The following ZHX2 variants were observed in gnomAD, a reference collection of about 807,000 sequenced individuals.
ZHX2 encodes the protein zinc fingers and homeoboxes 2, also known as zinc fingers and homeoboxes protein 2.
A neutral mutation model predicts 21.9 loss-of-function variants in ZHX2; 6 were observed. The observed-to-expected ratio is 0.27, with a 90% CI of 0.15 to 0.54. The LOEUF (loss-of-function observed/expected upper bound fraction) is 0.54. ZHX2 is among the 20% of genes least tolerant of loss of function. The probability of loss-of-function intolerance (pLI) is 0.95; values close to 1 mark genes in which losing one functional copy is unlikely to be tolerated. For synonymous variants in ZHX2, 434 were observed against 437.1 expected (o/e 0.99, Z 0.09); for missense variants, 908 against 1,090.7 (o/e 0.83, Z 2.36).
intron 3 of ZHX2, among the ~76,000 whole-genome samples, chr8:122,957,736 G>T (rs899007755): frequency 6.6e-6 from 1 of 152,140 alleles, no homozygotes; most frequent in Non-Finnish European, 1.5e-5. Context: ...CTCCCAAAGT[G>T]CTGGGATGAC....
intron 3 of ZHX2, among the ~76,000 whole-genome samples, chr8:122,960,546 TAATA>T (rs1167609537): frequency 2.6e-5 from 4 of 151,758 alleles, no homozygotes; most frequent in Non-Finnish European, 1.5e-5. Flanking sequence ...TCAAAAATAA[TAATA>T]AATAAGTAAA....
At chr8:122,864,639 C>A (rs986571384) in intron 2 of ZHX2, among the ~76,000 whole-genome samples, 2 of 152,096 alleles carry the variant, frequency 1.3e-5, no homozygotes, top group Non-Finnish European at 2.9e-5. Context: ...CTCACCCACC[C>A]CCCCACTCCC....
chr8:122,923,110 G>T (rs968054813), intron 2 of ZHX2, among the ~76,000 whole-genome samples: 2 of 152,212 alleles, frequency 1.3e-5, no homozygotes, highest in Non-Finnish European at 2.9e-5. Flanking sequence ...TCACATTCCT[G>T]GTTGATATCT....
intron 1 of ZHX2, among the ~76,000 whole-genome samples, chr8:122,801,366 A>G (rs977936712): frequency 2.0e-5 from 3 of 152,172 alleles, no homozygotes; most frequent in Non-Finnish European, 4.4e-5. Context: ...GGACTTGACA[A>G]CTGTCCTCAC....
chr8:122,916,081 G>A (rs11993065), intron 2 of ZHX2, among the ~76,000 whole-genome samples: 6,218 of 152,308 alleles, frequency 0.041, 428 homozygotes, highest in African/African-American at 0.14. Context: ...GGGTTTCAAC[G>A]GCCTGCCTTG....
At chr8:122,959,051 G>T (rs1314646761) in intron 3 of ZHX2, among the ~76,000 whole-genome samples, 2 of 152,172 alleles carry the variant, frequency 1.3e-5, no homozygotes, top group African/African-American at 4.8e-5. Context: ...CAACCTACAT[G>T]TGCAAGCCAC....
chr8:122,971,990 T>C (rs931448037), intron 3 of ZHX2, among the ~76,000 whole-genome samples: 1 of 152,258 alleles, frequency 6.6e-6, no homozygotes, highest in Non-Finnish European at 1.5e-5. Flanking sequence ...GAGTCTGTTC[T>C]GTGCCCATCT....
Position 122,953,609 on chromosome 8 carries a change from C to A in ZHX2, c.2099C>A (p.Ala700Glu). 6.2e-7 allele frequency: 1 copy of A among 1,614,174 alleles called. No individual in the cohort carries two copies. The highest frequency in any genetic ancestry group is 8.5e-7 in the Non-Finnish European group (1 of 1,180,050). ...GAGCAGTACCAGCACCAGCCCATGG[C>A]AGATGATCACGGCTACGATGCCGTA... ...WMEQYQHQPM[A>E]DDHGYDAVAR... Residue 700 changes from alanine (A) to glutamate (E), a missense_variant, in exon 3 of 4, where the codon GCA becomes GAA. Transcript: ENST00000314393. The surrounding 1 kb of genome is among the most constrained non-coding windows in gnomAD (Gnocchi z 4.6).
At chr8:122,814,703 T>A (rs775395044) in intron 1 of ZHX2, among the ~76,000 whole-genome samples, 5 of 152,146 alleles carry the variant, frequency 3.3e-5, no homozygotes, top group Non-Finnish European at 7.4e-5. Context: ...GGTATTGGGG[T>A]GTCTGGCACC....
chr8:122,847,899 G>A (rs1336181906), intron 1 of ZHX2, among the ~76,000 whole-genome samples: 1 of 152,200 alleles, frequency 6.6e-6, no homozygotes, highest in African/African-American at 2.4e-5. Context: ...AGGCAGCACA[G>A]GAGGCCCTTA....
intron 3 of ZHX2, among the ~76,000 whole-genome samples, chr8:122,962,522 T>G (rs1813482138): frequency 6.6e-6 from 1 of 152,226 alleles, no homozygotes; most frequent in Non-Finnish European, 1.5e-5. Flanking sequence ...ATCCACTTGT[T>G]GGTTGATGGG....
At chr8:122,920,685 T>C (rs1443986131) in intron 2 of ZHX2, among the ~76,000 whole-genome samples, 2 of 152,206 alleles carry the variant, frequency 1.3e-5, no homozygotes, top group African/African-American at 4.8e-5. Flanking sequence ...GCATTGTTTT[T>C]TAATGACTAC....
intron 3 of ZHX2, among the ~76,000 whole-genome samples, chr8:122,957,310 A>AC (rs1338027493): frequency 2.0e-5 from 3 of 150,994 alleles, no homozygotes; most frequent in Non-Finnish European, 4.4e-5. Context: ...AAAAAAAAAA[A>AC]AAAACATGCA....
chr8:122,931,940 G>A lies in ZHX2; in HGVS notation c.-219-19352G>A, dbSNP rs544681610. Among the ~76,000 whole-genome samples the A allele has an allele frequency of 2.6e-5, 4 of 152,244 alleles. No homozygotes were observed. In the South Asian group the frequency reaches 6.2e-4, roughly 24 times the overall value. On this transcript the variant is annotated intron_variant, in intron 2 of 3. Transcript: ENST00000314393. ...GGAAAATGAGAGCGCTAGATGAACC[G>A]TAGACCTGATTTGGAGGTGGCACAG...
intron 2 of ZHX2, among the ~76,000 whole-genome samples, chr8:122,931,473 C>A (rs754471828): frequency 1.2e-4 from 18 of 152,242 alleles, no homozygotes; most frequent in Admixed American, 2.6e-4. Context: ...CTCAATACAG[C>A]CCTAGGAAAT....
chr8:122,845,180 G>A (rs1195457548), intron 1 of ZHX2, among the ~76,000 whole-genome samples: 1 of 152,116 alleles, frequency 6.6e-6, no homozygotes, highest in African/African-American at 2.4e-5. Context: ...TTCCTCATCT[G>A]GACAATAATA....
chr8:122,917,678 T>G (rs182056113), intron 2 of ZHX2, among the ~76,000 whole-genome samples: 1 of 152,292 alleles, frequency 6.6e-6, no homozygotes, highest in African/African-American at 2.4e-5. Flanking sequence ...TCTTCTTAAG[T>G]CAGGGTATGT....
chr8:122,948,090 A>G (rs1813022621), intron 2 of ZHX2, among the ~76,000 whole-genome samples: 1 of 152,118 alleles, frequency 6.6e-6, no homozygotes, highest in African/African-American at 2.4e-5. Flanking sequence ...TTCTGGGTTC[A>G]CTAGCCGGGG....
chr8:122,933,222 G>GA (rs1242978026), intron 2 of ZHX2, among the ~76,000 whole-genome samples: 1 of 152,106 alleles, frequency 6.6e-6, no homozygotes, highest in Non-Finnish European at 1.5e-5. Flanking sequence ...GAGTGTGCAC[G>GA]AATCACCCAC....
Sources: allele counts gnomAD v4.1 joint callset (sites outside exome capture counted in the v4.1 genomes callset), GRCh38; gene constraint gnomAD v4.1.1; non-coding constraint Gnocchi (gnomAD v3.1); transcripts MANE v1.5; gene names NCBI Gene and HGNC (gene_info 2026-07-23, HGNC 2026-07-21).